Variants in RTTN observed in about 807,000 individuals in gnomAD.
RTTN encodes rotatin.
Under a neutral mutation model 269.2 loss-of-function variants are expected in RTTN, and 182 were observed. The ratio of observed to expected loss-of-function variants is 0.68; its 90% CI spans 0.60 to 0.76. The LOEUF (loss-of-function observed/expected upper bound fraction) is 0.76. Among genes scored for constraint, RTTN ranks in the 30% least tolerant of loss-of-function variants. RTTN has a pLI of 0.00. For synonymous variants in RTTN, 1,006 were observed against 963.5 expected (o/e 1.04, Z -0.82); for missense variants, 2,545 against 2,608.6 (o/e 0.98, Z 0.53).
intron 2 of RTTN, among the ~76,000 whole-genome samples, chr18:70,204,482 A>T (rs1448916134): frequency 1.3e-5 from 2 of 152,188 alleles, no homozygotes; most frequent in African/African-American, 4.8e-5. Flanking sequence ...AGATGAGCCA[A>T]CACACTGAAC....
intron 11 of RTTN, among the ~76,000 whole-genome samples, chr18:70,175,124 C>T (rs1364424091): frequency 2.0e-5 from 3 of 150,304 alleles, no homozygotes; most frequent in Non-Finnish European, 4.4e-5. Flanking sequence ...AGAAAAAAGC[C>T]TCAAAACTAA....
At chr18:70,194,121 G>A (rs879377911) in intron 7 of RTTN, 2 of 152,114 alleles carry the variant, frequency 1.3e-5, no homozygotes, top group Admixed American at 1.3e-4. Context: ...AATGGGCAAA[G>A]AACTTTAATA....
At position 70,148,933 on chromosome 18, in the gene RTTN, G is replaced by C. The variant is rs1312413059; in HGVS notation, c.2277C>G (p.Ser759=). The change falls in exon 17 of 49, where the codon TCC becomes TCG. Residue 759 remains serine, a synonymous_variant. Coordinates refer to ENST00000640769, the MANE Select transcript of RTTN (RefSeq NM_173630.4). ...TTTTCACTAGCAAAAGTCGCAGCAT[G>C]GACTTTAATCGGGTAGTACACGGAA... ...EMLPCTTRLK[S]MLRLLLVKKP... is the part of the protein sequence containing the mutation. 1.9e-5 allele frequency: 30 copies of C among 1,613,434 alleles called. No individual in the cohort carries two copies. Among genetic ancestry groups the C allele is most frequent in the Non-Finnish European group, 2.5e-5 (30 of 1,179,600 alleles).
chr18:70,048,328 G>A, intron 39 of RTTN, 140 bp from the exon 40 acceptor site: 1 of 781,164 alleles, frequency 1.3e-6, no homozygotes, highest in East Asian at 2.7e-5. Context: ...ACTGTTAAAG[G>A]AGCTGGTGCC....
At chr18:70,038,761 C>A (rs950083433) in intron 40 of RTTN, among the ~76,000 whole-genome samples, 1 of 152,244 alleles carries the variant, frequency 6.6e-6, no homozygotes, top group Non-Finnish European at 1.5e-5. Context: ...CGTGGAGAAA[C>A]AAGAGATATG....
intron 40 of RTTN, among the ~76,000 whole-genome samples, chr18:70,037,357 A>C (rs142746369): frequency 6.6e-6 from 1 of 152,310 alleles, no homozygotes; most frequent in African/African-American, 2.4e-5. Flanking sequence ...CGCAGCAACA[A>C]AAGTGACTCC....
intron 14 of RTTN, among the ~76,000 whole-genome samples, chr18:70,164,342 G>A (rs1485329900): frequency 6.7e-6 from 1 of 150,366 alleles, no homozygotes; most frequent in African/African-American, 2.4e-5. Flanking sequence ...CTCCCAAGTA[G>A]CTGGGACTAC....
At chr18:70,152,366 G>C (rs138870655) in intron 14 of RTTN, among the ~76,000 whole-genome samples, 1 of 152,268 alleles carries the variant, frequency 6.6e-6, no homozygotes, top group East Asian at 1.9e-4. Context: ...CAAATTCAAA[G>C]TATCTCCGTT....
At position 70,142,320 on chromosome 18, in the gene RTTN, G is replaced by A; in HGVS notation, c.2549C>T (p.Ser850Leu). 1 of 1,606,532 alleles carries A rather than the reference G, an allele frequency of 6.2e-7. No individual in the cohort carries two copies. The highest frequency in any genetic ancestry group is 8.5e-7 in the Non-Finnish European group (1 of 1,176,806). The stretch of plus-strand genomic sequence containing the variant: ...AATCACAGCTAACTGTTCAGCAGCT[G>A]ACTTTCTCAAAACGAGATCAACATC... ...SDDVDLVLRK[S>L]AAEQLAVIMQ... The change falls in exon 19 of 49, where the codon TCA becomes TTA. Residue 850 changes from serine to leucine, a missense_variant. By Grantham distance (145) the Ser-to-Leu change is moderately radical (BLOSUM62 -2). Transcript: ENST00000640769.
intron 34 of RTTN, among the ~76,000 whole-genome samples, chr18:70,070,799 T>C (rs533487323): frequency 6.6e-6 from 1 of 152,316 alleles, no homozygotes; most frequent in East Asian, 1.9e-4. Flanking sequence ...CAACTTCATA[T>C]TTAGTTAGAA....
At chr18:70,202,030 A>G (rs1253051893) in intron 3 of RTTN, 47 bp from the exon 4 acceptor site, 1 of 1,105,292 alleles carries the variant, frequency 9.0e-7, no homozygotes, top group Non-Finnish European at 1.4e-6. Context: ...CTTATTTGCT[A>G]AAAGTGAAAC....
intron 11 of RTTN, among the ~76,000 whole-genome samples, chr18:70,174,116 C>CTA (rs1375323958): frequency 2.8e-5 from 4 of 144,134 alleles, no homozygotes; most frequent in African/African-American, 1.0e-4. Flanking sequence ...AAGCACTGAA[C>CTA]TATGTACTTT....
chr18:70,017,553 T>C lies in RTTN; in HGVS notation c.6275A>G (p.Gln2092Arg). ...GCCATCAAGCCTCAGAATCATTTGT[T>C]GCCCATCTTCTCCAGATGATATATT... Reference protein sequence around the residue: ...LLNISSGEDGQQMILRLDGCL... With the variant: ...LLNISSGEDGRQMILRLDGCL... The change falls in exon 46 of 49, where the codon CAA becomes CGA. Residue 2092 changes from glutamine (Q) to arginine (R), a missense_variant. Gln to Arg is a conservative substitution (Grantham distance 43). Transcript: ENST00000640769. 6.2e-7 allele frequency: 1 copy of C among 1,614,098 alleles called. No individual in the cohort carries two copies. Among genetic ancestry groups the C allele is most frequent in the Non-Finnish European group, 8.5e-7 (1 of 1,179,976 alleles).
At chr18:70,054,367 A>G in intron 37 of RTTN, 83 bp from the exon 38 acceptor site, 3 of 1,253,058 alleles carry the variant, frequency 2.4e-6, no homozygotes, top group Non-Finnish European at 3.3e-6. Context: ...CTTTTGTAAC[A>G]CAATAAAAAA....
intron 3 of RTTN, 62 bp downstream of exon 3, chr18:70,204,024 C>T: frequency 7.9e-7 from 1 of 1,270,844 alleles, no homozygotes; most frequent in Non-Finnish European, 1.1e-6. Context: ...TCTAATCTCC[C>T]TTTCCTTAAA....
chr18:70,078,127 A>T (rs897205594), intron 32 of RTTN, among the ~76,000 whole-genome samples: 1 of 151,956 alleles, frequency 6.6e-6, no homozygotes, highest in Admixed American at 6.6e-5. Context: ...CATAATAAAA[A>T]AATTCTAAAC....
intron 17 of RTTN, among the ~76,000 whole-genome samples, chr18:70,148,414 T>A (rs12967013): frequency 6.6e-6 from 1 of 152,120 alleles, no homozygotes; most frequent in African/African-American, 2.4e-5. Flanking sequence ...AGAAAGGATA[T>A]GTTTTCAGTT....
At chr18:70,187,731 T>C (rs1313299480) in intron 10 of RTTN, among the ~76,000 whole-genome samples, 1 of 152,216 alleles carries the variant, frequency 6.6e-6, no homozygotes, top group African/African-American at 2.4e-5. Context: ...ATTATGCTGA[T>C]ATTGCTAGGA....
chr18:70,030,370 C>A lies in RTTN; in HGVS notation c.5648-261G>T, dbSNP rs373051208. On this transcript the variant is annotated intron_variant, in intron 41 of 48. Transcript: ENST00000640769. ...TGAGGAATACATCATTTGTTGTAGT[C>A]GCAAATCACAATTGATATTAATGGA... Among the ~76,000 whole-genome samples, 3 of 152,120 alleles carry A rather than the reference C, an allele frequency of 2.0e-5. No individual in the cohort carries two copies. The East Asian group carries it at 5.8e-4, about 29-fold the overall frequency.
Sources: allele counts gnomAD v4.1 joint callset (sites outside exome capture counted in the v4.1 genomes callset), GRCh38; gene constraint gnomAD v4.1.1; transcripts MANE v1.5; gene names NCBI Gene and HGNC (gene_info 2026-07-23, HGNC 2026-07-21).